Variants in ANKRD28 observed in about 807,000 individuals in gnomAD.
ANKRD28 encodes serine/threonine-protein phosphatase 6 regulatory ankyrin repeat subunit A.
Under a neutral mutation model 126.5 loss-of-function variants are expected in ANKRD28, and 44 were observed. That is an observed-to-expected ratio of 0.35 (90% CI 0.27 to 0.45). ANKRD28 has a LOEUF of 0.45. Among genes scored for constraint, ANKRD28 ranks in the 20% least tolerant of loss-of-function variants. The pLI is 1.00. For synonymous variants in ANKRD28, 442 were observed against 468.5 expected (o/e 0.94, Z 0.73); for missense variants, 1,110 against 1,316.6 (o/e 0.84, Z 2.43).
chr3:15,833,923 A>AT lies in ANKRD28; in HGVS notation c.27+25453dup, dbSNP rs1414970565. On this transcript the variant is annotated intron_variant, in intron 1 of 27. Coordinates refer to the ANKRD28 transcript ENST00000399451. This position sits in a 1 kb window ranked among gnomAD's most constrained non-coding sequence, Gnocchi z 4.4. ...AAATGTCTGTTTGTGTTATTTGCCC[A>AT]TTTTTTAATGTTTGTTTTTTTCTTA... 6.6e-6 allele frequency among the ~76,000 whole-genome samples: 1 copy of AT among 151,808 alleles called. No homozygotes were observed. The highest frequency in any genetic ancestry group is 6.6e-5 in the Admixed American group (1 of 15,240).
chr3:15,850,224 T>TATAGAG lies in ANKRD28; in HGVS notation c.27+9152_27+9153insCTCTAT, dbSNP rs1418223588. Reference sequence around the variant, plus strand: ...AAAAAAATATATATATATATATATATAGAGAGAGAGAGAGAGAGAGAGAGA... The same window carrying TATAGAG: ...AAAAAAATATATATATATATATATATATAGAGAGAGAGAGAGAGAGAGAGAGAGAGA... On this transcript the variant is annotated intron_variant, in intron 1 of 27. Coordinates refer to the ANKRD28 transcript ENST00000399451. Among the ~76,000 whole-genome samples the TATAGAG allele has an allele frequency of 2.5e-3, 86 of 35,092 alleles. 1 individual carries two copies. Among genetic ancestry groups the TATAGAG allele is most frequent in the African/African-American group, 5.0e-3 (63 of 12,606 alleles). 23.0% of individuals were successfully genotyped at this position (35,092 alleles called of 152,430 possible). A position where few individuals can be genotyped will look rare whatever the true frequency, so the allele number is the denominator to read the frequency against.
chr3:15,777,903 C>CACACACACACACACACACACA (rs1553631647), intron 2 of ANKRD28, among the ~76,000 whole-genome samples: 1 of 148,994 alleles, frequency 6.7e-6, no homozygotes, highest in Non-Finnish European at 1.5e-5. Context: ...CACACACACA[C>CACACACACACACACACACACA]CCTCTCCGCC....
chr3:15,825,178 T>C (rs2061032650), intron 1 of ANKRD28, among the ~76,000 whole-genome samples: 1 of 152,180 alleles, frequency 6.6e-6, no homozygotes, highest in African/African-American at 2.4e-5. Flanking sequence ...TGTCTGCCAA[T>C]GAGGCTCACG....
chr3:15,796,651 T>TC lies in ANKRD28; in HGVS notation c.-131_-130insG, dbSNP rs1481238803. 9.0e-6 allele frequency: 9 copies of TC among 1,001,618 alleles called. No homozygotes were observed. The highest frequency in any genetic ancestry group is 5.8e-5 in the Admixed American group (1 of 17,168). The allele number at this position is 1,001,618 out of a possible 1,614,324, so 62.0% of individuals were successfully genotyped here. On this transcript the variant is annotated 5_prime_UTR_variant, in exon 1 of 28. Coordinates refer to ENST00000683139, the MANE Select transcript of ANKRD28 (RefSeq NM_001349278.2). ...CTGAACAGCACAGCTGGGTTTTTTT[T>TC]TTTTTTAAAGTTAATAAGTACTACT...
chr3:15,712,112 T>A, intron 11 of ANKRD28, 28 bp downstream of exon 11: 8 of 1,544,560 alleles, frequency 5.2e-6, no homozygotes, highest in South Asian at 3.6e-5. Context: ...TGAGGAGACA[T>A]ACAAAAGGCT....
chr3:15,838,702 C>T lies in ANKRD28; in HGVS notation c.27+20675G>A, dbSNP rs1297039949. ...GGTAGAGGTTGCAGTGAGCCGGGAC[C>T]ACGCCACTGCACTCCAGCCTGGGCA... On this transcript the variant is annotated intron_variant, in intron 1 of 27. Coordinates refer to the ANKRD28 transcript ENST00000399451. This position sits in a 1 kb window ranked among gnomAD's most constrained non-coding sequence, Gnocchi z 4.0. 6.6e-6 allele frequency among the ~76,000 whole-genome samples: 1 copy of T among 151,428 alleles called. No homozygotes were observed. The highest frequency in any genetic ancestry group is 2.4e-5 in the African/African-American group (1 of 41,168).
At chr3:15,671,578 G>GTTTTTTT (rs869032190) in intron 27 of ANKRD28, among the ~76,000 whole-genome samples, 3 of 141,356 alleles carry the variant, frequency 2.1e-5, no homozygotes, top group Admixed American at 7.0e-5. Context: ...AAACACTATA[G>GTTTTTTT]TTTTTTTTTT....
chr3:15,669,386 C>A lies in ANKRD28; in HGVS notation c.*884G>T, dbSNP rs1186410108. 6.6e-6 allele frequency: 1 copy of A among 152,092 alleles called. No individual in the cohort carries two copies. The highest frequency in any genetic ancestry group is 1.5e-5 in the Non-Finnish European group (1 of 68,020). The allele number at this position is 152,092 out of a possible 1,614,324, so 9.4% of individuals were successfully genotyped here. ...AGCTGCAATAGGGTGAAATAGTCTACTTTTTGATTTCATGAATTTTTTTCT... is the reference window on the plus strand; with the variant it reads ...AGCTGCAATAGGGTGAAATAGTCTAATTTTTGATTTCATGAATTTTTTTCT... On this transcript the variant is annotated 3_prime_UTR_variant, in exon 28 of 28. Transcript: ENST00000683139.
chr3:15,750,308 A>G (rs1263761690), intron 4 of ANKRD28, among the ~76,000 whole-genome samples: 1 of 152,238 alleles, frequency 6.6e-6, no homozygotes, highest in Non-Finnish European at 1.5e-5. Flanking sequence ...TTTTTATTTA[A>G]ATAAACATCT....
At chr3:15,834,183 A>G (rs2061271006) in intron 1 of ANKRD28, among the ~76,000 whole-genome samples, 1 of 152,046 alleles carries the variant, frequency 6.6e-6, no homozygotes, top group Admixed American at 6.6e-5. Context: ...CAGTATTTTT[A>G]TAGTTTCAGG....
In ANKRD28 at chr3:15,667,989, A is replaced by C. The variant is rs2066068983; in HGVS notation, c.*2281T>G. On this transcript the variant is annotated 3_prime_UTR_variant, in exon 28 of 28. Coordinates refer to ENST00000683139, the MANE Select transcript of ANKRD28 (RefSeq NM_001349278.2). Reference sequence around the variant, plus strand: ...TCAAACAGCCTGTAAAAGAGAAGACATGGCAGAATGTGCGAGATTCATCCT... The same window carrying C: ...TCAAACAGCCTGTAAAAGAGAAGACCTGGCAGAATGTGCGAGATTCATCCT... 1 of 152,240 alleles carries C rather than the reference A, an allele frequency of 6.6e-6. No homozygotes were observed. Among genetic ancestry groups the C allele is most frequent in the East Asian group, 1.9e-4 (1 of 5,200 alleles). The allele number at this position is 152,240 out of a possible 1,614,324, so 9.4% of individuals were successfully genotyped here. A position where few individuals can be genotyped will look rare whatever the true frequency, so the allele number is the denominator to read the frequency against.
chr3:15,760,489 A>G (rs191035858), intron 3 of ANKRD28, among the ~76,000 whole-genome samples: 20 of 152,344 alleles, frequency 1.3e-4, no homozygotes, highest in African/African-American at 4.8e-4. Flanking sequence ...TATTCCTCGA[A>G]GATACGTAAG....
At chr3:15,720,687 G>A (rs1304633510) in intron 8 of ANKRD28, among the ~76,000 whole-genome samples, 1 of 151,634 alleles carries the variant, frequency 6.6e-6, no homozygotes, top group African/African-American at 2.4e-5. Context: ...TTCAATTATA[G>A]ATTCTGGAAC....
rs958987708 is a variant in ANKRD28 at position 15,690,308 on chromosome 3, T to C, written c.1762-88A>G. 107 of 1,099,724 alleles carry C rather than the reference T, an allele frequency of 9.7e-5. 1 individual carries two copies. In the African/African-American group the frequency reaches 1.4e-3, roughly 15 times the overall value. The allele number at this position is 1,099,724 out of a possible 1,614,324, so 68.1% of individuals were successfully genotyped here. ...GAATAAATGTAAATAAGCAAACTTG[T>C]CTTCATATTATTATCCTACTTGAGA... On this transcript the variant is annotated intron_variant, in intron 17 of 27. Transcript: ENST00000683139.
intron 2 of ANKRD28, among the ~76,000 whole-genome samples, chr3:15,789,001 A>G (rs1288304495): frequency 6.6e-6 from 1 of 152,162 alleles, no homozygotes; most frequent in Non-Finnish European, 1.5e-5. Flanking sequence ...AGGTCTTTCA[A>G]CTTAGAGTCC....
At chr3:15,775,165 C>T (rs2059199570) in intron 2 of ANKRD28, among the ~76,000 whole-genome samples, 1 of 152,258 alleles carries the variant, frequency 6.6e-6, no homozygotes, top group African/African-American at 2.4e-5. Flanking sequence ...GCGTGAGCCA[C>T]TGTGCCCGGC....
At chr3:15,694,717 C>T (rs201918821) in intron 17 of ANKRD28, 22 bp downstream of exon 17, 10 of 1,594,478 alleles carry the variant, frequency 6.3e-6, no homozygotes, top group African/African-American at 1.3e-5. Context: ...GCCATCAAGT[C>T]GGCTATGAAG....
chr3:15,668,454 T>C lies in ANKRD28; in HGVS notation c.*1816A>G, dbSNP rs1408901401. The C allele has an allele frequency of 6.6e-6, 1 of 152,550 alleles. No homozygotes were observed. Among genetic ancestry groups the C allele is most frequent in the Non-Finnish European group, 1.5e-5 (1 of 68,034 alleles). The allele number at this position is 152,550 out of a possible 1,614,324, so 9.4% of individuals were successfully genotyped here. A position where few individuals can be genotyped will look rare whatever the true frequency, so the allele number is the denominator to read the frequency against. On this transcript the variant is annotated 3_prime_UTR_variant, in exon 28 of 28. Transcript: ENST00000683139. ...ACTAATAATTAGGAAGGGTTCATTATGACTTCTTTATATTATAAAGAAAAG... is the reference window on the plus strand; with the variant it reads ...ACTAATAATTAGGAAGGGTTCATTACGACTTCTTTATATTATAAAGAAAAG...
rs535281912 is a variant in ANKRD28 at position 15,676,689 on chromosome 3, A to T, written c.2873+285T>A. The T allele has an allele frequency of 3.7e-5, 10 of 267,260 alleles. No individual in the cohort carries two copies. In the Admixed American group the frequency reaches 5.0e-4, roughly 13 times the overall value. The allele number at this position is 267,260 out of a possible 1,614,324, so 16.6% of individuals were successfully genotyped here. A position where few individuals can be genotyped will look rare whatever the true frequency, so the allele number is the denominator to read the frequency against. The stretch of plus-strand genomic sequence containing the variant: ...TATTATTACAGTTGATTTCCACAGA[A>T]TACACAAAATAGTACTACTTTCCTT... On this transcript the variant is annotated intron_variant, in intron 26 of 27. Transcript: ENST00000683139.
Sources: gnomAD v4.1 joint callset for allele counts (sites outside exome capture counted in the v4.1 genomes callset) on GRCh38, gnomAD v4.1.1 for gene constraint, Gnocchi (gnomAD v3.1) non-coding constraint, MANE v1.5 for transcripts, NCBI Gene and HGNC (gene_info 2026-07-23, HGNC 2026-07-21) for gene names.